UBE2O: variants seen among roughly 807,000 people sequenced by gnomAD.
UBE2O encodes the protein (E3-independent) E2 ubiquitin-conjugating enzyme.
In UBE2O, 15 loss-of-function variants were observed where a neutral mutation model predicts 125.8. That is an observed-to-expected ratio of 0.12 (90% confidence interval 0.08 to 0.18). UBE2O has a LOEUF of 0.18. Ranked by LOEUF, UBE2O falls within the 10% of genes least tolerant of loss-of-function variation. UBE2O has a pLI of 1.00. For missense variants in UBE2O, 1,280 were observed against 1,723.6 expected (o/e 0.74, Z 4.56); for synonymous variants, 708 against 703.2 (o/e 1.01, Z -0.11).
At position 76,401,123 on chromosome 17, in the gene UBE2O, T is replaced by A; in HGVS notation, c.782A>T (p.Tyr261Phe). The A allele has an allele frequency of 6.2e-7, 1 of 1,613,712 alleles. No homozygotes were observed. The highest frequency in any genetic ancestry group is 8.5e-7 in the Non-Finnish European group (1 of 1,180,018). Residue 261 changes from tyrosine (Y) to phenylalanine (F), a missense_variant, in exon 6 of 18, where the codon TAC becomes TTC. Around this residue, in one of 10 missense-constraint regions of UBE2O, gnomAD observed 206 missense variants for 315.7 expected, o/e 0.65. Coordinates refer to ENST00000319380, the MANE Select transcript of UBE2O (RefSeq NM_022066.4). The stretch of plus-strand genomic sequence containing the variant: ...AGGGCCAATGAGCACCTGGCCTGGG[T>A]AGAAGCCATAGGAATCATCGAAGAA... ...GLFFDDSYGF[Y>F]PGQVLIGPAK...
In UBE2O at chr17:76,444,407, C is replaced by T. The variant is rs1034983447; in HGVS notation, c.417+8318G>A. Reference sequence around the variant, plus strand: ...TTTCTACAAAAATATTTTAAAAAGCCGAGTGTGTAGTTCCAGCTGCACAGG... The same window carrying T: ...TTTCTACAAAAATATTTTAAAAAGCTGAGTGTGTAGTTCCAGCTGCACAGG... On this transcript the variant is annotated intron_variant, in intron 1 of 17. Coordinates refer to ENST00000319380, the MANE Select transcript of UBE2O (RefSeq NM_022066.4). 4.6e-5 allele frequency among the ~76,000 whole-genome samples: 7 copies of T among 152,136 alleles called. No homozygotes were observed. The East Asian group carries it at 1.2e-3, about 25-fold the overall frequency.
chr17:76,396,680 G>T lies in UBE2O; in HGVS notation c.2257C>A (p.Pro753Thr). ...TDNGLVEDEH[P>T]KIEEPPIPPL... ...GGGATGGGGGGCTCCTCTATCTTGG[G>T]GTGCTCGTCCTCCACCAGCCCATTG... Residue 753 changes from proline (P) to threonine (T), a missense_variant, in exon 14 of 18, where the codon CCC becomes ACC. By Grantham distance (38) the Pro-to-Thr change is conservative. This residue lies in a region of UBE2O where 210 missense variants were observed against 268.9 expected (regional missense o/e 0.78). Transcript: ENST00000319380. The surrounding 1 kb of genome is among the most constrained non-coding windows in gnomAD (Gnocchi z 6.7). The T allele has an allele frequency of 6.2e-7, 1 of 1,613,714 alleles. No homozygotes were observed. Among genetic ancestry groups the T allele is most frequent in the Non-Finnish European group, 8.5e-7 (1 of 1,179,980 alleles).
chr17:76,423,728 A>ATAAATAAATAAAT (rs1555608475), intron 1 of UBE2O, among the ~76,000 whole-genome samples: 1 of 144,370 alleles, frequency 6.9e-6, no homozygotes, highest in Non-Finnish European at 1.5e-5. Context: ...AAATAAATAA[A>ATAAATAAATAAAT]AAATAAGGTC....
Position 76,400,653 on chromosome 17 carries a change from C to A in UBE2O, c.895-103G>T, listed in dbSNP as rs1351687293. ...TTGACCTCCAGAGCAGGAAACTGAT[C>A]TTCCTAGTGCAGCACCAAGTACAGA... On this transcript the variant is annotated intron_variant, in intron 6 of 17. Transcript: ENST00000319380. The surrounding 1 kb of genome is among the most constrained non-coding windows in gnomAD (Gnocchi z 4.3). The A allele has an allele frequency of 2.7e-6, 2 of 751,794 alleles. No homozygotes were observed. Among genetic ancestry groups the A allele is most frequent in the African/African-American group, 3.5e-5 (2 of 56,962 alleles). 46.6% of individuals were successfully genotyped at this position (751,794 alleles called of 1,614,324 possible). A position where few individuals can be genotyped will look rare whatever the true frequency, so the allele number is the denominator to read the frequency against.
intron 5 of UBE2O, 188 bp downstream of exon 5, chr17:76,401,873 CAAA>C (rs71280851): frequency 0.021 from 3,111 of 151,366 alleles, no homozygotes; most frequent in South Asian, 0.033. Context: ...GACTCTGTCT[CAAA>C]AAAAAAAAAA....
chr17:76,399,670 T>C lies in UBE2O; in HGVS notation c.1407A>G (p.Arg469=), dbSNP rs1287154825. Residue 469 remains arginine, a synonymous_variant, in exon 9 of 18, where the codon AGA becomes AGG. Transcript: ENST00000319380. This position sits in a 1 kb window ranked among gnomAD's most constrained non-coding sequence, Gnocchi z 6.9. The stretch of plus-strand genomic sequence containing the variant: ...GCTCTGCCGAGTGCAGCCTGTCATC[T>C]CTGCCTTCTTTTAGCAGGAATGGGG... ...QLPPFLLKEG[R]DDRLHSAEQD... 1.2e-6 allele frequency: 2 copies of C among 1,614,182 alleles called. No homozygotes were observed. The highest frequency in any genetic ancestry group is 1.7e-6 in the Non-Finnish European group (2 of 1,180,040).
intron 1 of UBE2O, among the ~76,000 whole-genome samples, chr17:76,426,913 C>CT (rs200317048): frequency 1.2e-3 from 171 of 148,298 alleles, no homozygotes; most frequent in South Asian, 2.5e-3. Context: ...GTAAATACAA[C>CT]TTTTTTTTTT....
Position 76,398,238 on chromosome 17 carries a change from T to C in UBE2O, c.2025+17A>G, listed in dbSNP as rs376362212. On this transcript the variant is annotated intron_variant, in intron 12 of 17. Coordinates refer to ENST00000319380, the MANE Select transcript of UBE2O (RefSeq NM_022066.4). The surrounding 1 kb of genome is among the most constrained non-coding windows in gnomAD (Gnocchi z 5.4). ...GGGCAGTGAGCAGCCATCCAGAACT[T>C]GAATTTGAAGGCGTACCTCATCCTC... 1.9e-6 allele frequency: 3 copies of C among 1,613,896 alleles called. No homozygotes were observed. In the African/African-American group the frequency reaches 4.0e-5, roughly 22 times the overall value.
At position 76,405,882 on chromosome 17, in the gene UBE2O, G is replaced by A; in HGVS notation, c.418-310C>T. Among the ~76,000 whole-genome samples the A allele has an allele frequency of 6.6e-6, 1 of 152,202 alleles. No homozygotes were observed. Among genetic ancestry groups the A allele is most frequent in the Admixed American group, 6.5e-5 (1 of 15,292 alleles). Reference sequence around the variant, plus strand: ...GCAGCTCAATGACAGATCACATAAGGCTGCACTTTAATGAAGGATTTAACA... The same window carrying A: ...GCAGCTCAATGACAGATCACATAAGACTGCACTTTAATGAAGGATTTAACA... On this transcript the variant is annotated intron_variant, in intron 1 of 17. Coordinates refer to ENST00000319380, the MANE Select transcript of UBE2O (RefSeq NM_022066.4). The surrounding 1 kb of genome is among the most constrained non-coding windows in gnomAD (Gnocchi z 6.1).
Position 76,397,784 on chromosome 17 carries a change from T to A in UBE2O, c.2115+15A>T. 7 of 1,613,840 alleles carry A rather than the reference T, an allele frequency of 4.3e-6. No homozygotes were observed. Among genetic ancestry groups the A allele is most frequent in the Non-Finnish European group, 5.9e-6 (7 of 1,179,788 alleles). Reference sequence around the variant, plus strand: ...TAGTCACAAGCTCAGCAGGGGGGTCTTGCCAGAGCCTCACCTGGGGCAGGA... The same window carrying A: ...TAGTCACAAGCTCAGCAGGGGGGTCATGCCAGAGCCTCACCTGGGGCAGGA... On this transcript the variant is annotated intron_variant, in intron 13 of 17. Transcript: ENST00000319380.
chr17:76,400,671 A>T lies in UBE2O; in HGVS notation c.895-121T>A. 1.5e-6 allele frequency: 1 copy of T among 683,688 alleles called. No individual in the cohort carries two copies. The highest frequency in any genetic ancestry group is 2.5e-6 in the Non-Finnish European group (1 of 406,308). The allele number at this position is 683,688 out of a possible 1,614,324, so 42.4% of individuals were successfully genotyped here. ...AACTGATCTTCCTAGTGCAGCACCA[A>T]GTACAGACACATCAGAGCAGGCCCC... is the stretch of plus-strand genomic sequence containing the variant. On this transcript the variant is annotated intron_variant, in intron 6 of 17. Coordinates refer to ENST00000319380, the MANE Select transcript of UBE2O (RefSeq NM_022066.4). The surrounding 1 kb of genome is among the most constrained non-coding windows in gnomAD (Gnocchi z 4.3).
At position 76,390,821 on chromosome 17, in the gene UBE2O, A is replaced by C. The variant is rs926393509; in HGVS notation, c.*122T>G. 1 of 966,624 alleles carries C rather than the reference A, an allele frequency of 1.0e-6. No individual in the cohort carries two copies. The highest frequency in any genetic ancestry group is 1.5e-6 in the Non-Finnish European group (1 of 658,800). 59.9% of individuals were successfully genotyped at this position (966,624 alleles called of 1,614,324 possible). Reference sequence around the variant, plus strand: ...TCAGCATCAAACTCACCTTGGGGAGAAGAGGGCAGTGGGTTTGCAGTGGGG... The same window carrying C: ...TCAGCATCAAACTCACCTTGGGGAGCAGAGGGCAGTGGGTTTGCAGTGGGG... On this transcript the variant is annotated 3_prime_UTR_variant, in exon 18 of 18. Transcript: ENST00000319380.
intron 1 of UBE2O, among the ~76,000 whole-genome samples, chr17:76,451,419 T>A (rs1267806879): frequency 2.6e-5 from 4 of 152,212 alleles, no homozygotes; most frequent in African/African-American, 7.2e-5. Context: ...CAGGGTCCTG[T>A]GTGTGGATTT....
chr17:76,423,875 C>G (rs2072752546), intron 1 of UBE2O, among the ~76,000 whole-genome samples: 1 of 147,434 alleles, frequency 6.8e-6, no homozygotes, highest in Non-Finnish European at 1.5e-5. Flanking sequence ...AGGTGGCTCT[C>G]AGCTACTTCC....
chr17:76,442,514 T>C (rs1486590855), intron 1 of UBE2O, among the ~76,000 whole-genome samples: 1 of 152,212 alleles, frequency 6.6e-6, no homozygotes, highest in Admixed American at 6.5e-5. Context: ...CCCAAGAGTC[T>C]GCATGTGCGT....
intron 1 of UBE2O, among the ~76,000 whole-genome samples, chr17:76,409,977 A>C (rs1405358508): frequency 6.6e-6 from 1 of 152,134 alleles, no homozygotes; most frequent in Non-Finnish European, 1.5e-5. Flanking sequence ...TGGTCAGGAA[A>C]GGCCCCTCCG....
Position 76,396,038 on chromosome 17 carries a change from G to T in UBE2O, c.2809+90C>A. ...GGGCAGTAGCTGGGGTCTGGCGAGG[G>T]GACTAACCACCCTGCACCCAGATCT... On this transcript the variant is annotated intron_variant, in intron 14 of 17. Transcript: ENST00000319380. The surrounding 1 kb of genome is among the most constrained non-coding windows in gnomAD (Gnocchi z 6.7). The T allele has an allele frequency of 6.6e-7, 1 of 1,506,050 alleles. No homozygotes were observed. Among genetic ancestry groups the T allele is most frequent in the Non-Finnish European group, 9.0e-7 (1 of 1,104,986 alleles). 93.3% of individuals were successfully genotyped at this position (1,506,050 alleles called of 1,614,324 possible).
chr17:76,395,425 C>T lies in UBE2O; in HGVS notation c.2946+300G>A. On this transcript the variant is annotated intron_variant, in intron 15 of 17. Transcript: ENST00000319380. The surrounding 1 kb of genome is among the most constrained non-coding windows in gnomAD (Gnocchi z 5.0). ...GCCAGGATGGTCTCGATCTCCTGAC[C>T]TCGTGATCCACCCACCTCGGCCTCC... The T allele has an allele frequency of 4.2e-6, 1 of 236,812 alleles. No homozygotes were observed. Among genetic ancestry groups the T allele is most frequent in the Non-Finnish European group, 8.2e-6 (1 of 122,696 alleles). 14.7% of individuals were successfully genotyped at this position (236,812 alleles called of 1,614,324 possible). A position where few individuals can be genotyped will look rare whatever the true frequency, so the allele number is the denominator to read the frequency against.
chr17:76,401,269 GC>G, intron 5 of UBE2O, 115 bp from the exon 6 acceptor site: 3 of 1,214,084 alleles, frequency 2.5e-6, no homozygotes, highest in African/African-American at 1.5e-5. Flanking sequence ...TCACACACAC[GC>G]CCCACACGCC....
Sources: allele counts gnomAD v4.1 joint callset (sites outside exome capture counted in the v4.1 genomes callset), GRCh38; gene constraint gnomAD v4.1.1; regional missense constraint gnomAD v4.1.1; non-coding constraint Gnocchi (gnomAD v3.1); transcripts MANE v1.5; gene names NCBI Gene and HGNC (gene_info 2026-07-23, HGNC 2026-07-21).